The following CYREN variants were observed in gnomAD, a reference collection of about 807,000 sequenced individuals.
The protein encoded by CYREN is cell cycle regulator of non-homologous end joining.
CYREN carries 7 observed loss-of-function variants against 9.7 expected under a neutral mutation model. The ratio of observed to expected loss-of-function variants is 0.72; its 90% confidence interval spans 0.41 to 1.36. The LOEUF (loss-of-function observed/expected upper bound fraction) is 1.36. Among genes scored for constraint, CYREN ranks in the 40% most tolerant of loss-of-function variants. The pLI, the probability that CYREN is intolerant of heterozygous loss-of-function variation, is 0.01. For missense variants in CYREN, 215 were observed against 198.1 expected, an observed-to-expected ratio of 1.09 and a Z score of -0.51; for synonymous variants, 76 against 77.9, an observed-to-expected ratio of 0.98 and a Z score of 0.13.
intron 2 of CYREN, among the ~76,000 whole-genome samples, chr7:135,138,604 A>G (rs940692574): frequency 8.5e-5 from 13 of 152,084 alleles, no homozygotes; most frequent in African/African-American, 2.9e-4. Context: ...AGGAGGTAGA[A>G]AACAAGTGGA....
At chr7:135,101,742 G>A (rs1823859208) in intron 2 of CYREN, among the ~76,000 whole-genome samples, 1 of 152,118 alleles carries the variant, frequency 6.6e-6, no homozygotes, top group South Asian at 2.1e-4. Flanking sequence ...CCCAACAGAA[G>A]GGCAGAAAAG....
chr7:135,122,042 C>G (rs1827211253), intron 2 of CYREN, among the ~76,000 whole-genome samples: 1 of 152,206 alleles, frequency 6.6e-6, no homozygotes, highest in Non-Finnish European at 1.5e-5. Flanking sequence ...TGACCAGCAC[C>G]ACAGCTGTGT....
At chr7:135,160,781 A>C (rs766995874) in intron 2 of CYREN, among the ~76,000 whole-genome samples, 2 of 152,242 alleles carry the variant, frequency 1.3e-5, no homozygotes, top group Non-Finnish European at 2.9e-5. Context: ...TATCAAAATA[A>C]CAAAACTGAA....
chr7:135,118,748 A>C (rs368386415), intron 2 of CYREN, among the ~76,000 whole-genome samples: 3 of 152,188 alleles, frequency 2.0e-5, no homozygotes, highest in African/African-American at 7.2e-5. Context: ...CATAATTAAA[A>C]TGCTTCAAAA....
At chr7:135,110,588 G>A (rs1187338298) in intron 2 of CYREN, among the ~76,000 whole-genome samples, 1 of 152,160 alleles carries the variant, frequency 6.6e-6, no homozygotes, top group Non-Finnish European at 1.5e-5. Flanking sequence ...TTGGGCAGGG[G>A]AGGCTCTCCT....
At chr7:135,141,895 C>T (rs941924997) in intron 2 of CYREN, among the ~76,000 whole-genome samples, 1 of 151,958 alleles carries the variant, frequency 6.6e-6, no homozygotes, top group Admixed American at 6.6e-5. Flanking sequence ...TTTTATTGTG[C>T]TTTATTCTGA....
At chr7:135,160,653 G>C (rs1400621533) in intron 2 of CYREN, among the ~76,000 whole-genome samples, 12 of 151,860 alleles carry the variant, frequency 7.9e-5, no homozygotes, top group Non-Finnish European at 1.3e-4. Context: ...CCCTCAGGCA[G>C]CTCTGCTGTC....
chr7:135,157,822 G>A (rs141586266), intron 2 of CYREN, among the ~76,000 whole-genome samples: 1 of 152,198 alleles, frequency 6.6e-6, no homozygotes, highest in Non-Finnish European at 1.5e-5. Flanking sequence ...TCCTACCAGG[G>A]TGGCAGCTGC....
intron 2 of CYREN, among the ~76,000 whole-genome samples, chr7:135,118,897 C>T (rs1360317689): frequency 6.6e-6 from 1 of 151,796 alleles, no homozygotes; most frequent in Non-Finnish European, 1.5e-5. Flanking sequence ...CTGAGCAGAA[C>T]AGTATAATTG....
At chr7:135,137,691 A>T (rs1829378649) in intron 2 of CYREN, among the ~76,000 whole-genome samples, 1 of 152,126 alleles carries the variant, frequency 6.6e-6, no homozygotes, top group African/African-American at 2.4e-5. Context: ...GAAACATTTA[A>T]AGGGTTTAAA....
intron 2 of CYREN, among the ~76,000 whole-genome samples, chr7:135,110,840 C>T (rs1825536112): frequency 6.6e-6 from 1 of 152,212 alleles, no homozygotes. Flanking sequence ...TATCCTTTGA[C>T]TAAGCCAATG....
chr7:135,095,447 C>T (rs1027673404), intron 2 of CYREN, among the ~76,000 whole-genome samples: 1 of 152,120 alleles, frequency 6.6e-6, no homozygotes, highest in African/African-American at 2.4e-5. Context: ...GAATTCCAAG[C>T]CTTTGATACT....
At chr7:135,132,583 T>C (rs1828923383) in intron 2 of CYREN, among the ~76,000 whole-genome samples, 3 of 152,166 alleles carry the variant, frequency 2.0e-5, no homozygotes, top group Non-Finnish European at 4.4e-5. Flanking sequence ...TCACCTTTAA[T>C]TGTAATAATC....
At chr7:135,168,091 C>A in intron 2 of CYREN, 1 of 472,634 alleles carries the variant, frequency 2.1e-6, no homozygotes, top group Non-Finnish European at 3.8e-6. Flanking sequence ...CTGAAACACA[C>A]ACATGGATGC....
chr7:135,130,125 T>G (rs1562906828), intron 2 of CYREN, among the ~76,000 whole-genome samples: 1 of 152,092 alleles, frequency 6.6e-6, no homozygotes. Flanking sequence ...GGTAGAAGCC[T>G]TATGAAAATT....
intron 2 of CYREN, among the ~76,000 whole-genome samples, chr7:135,121,140 G>A (rs1358247681): frequency 6.6e-6 from 1 of 152,186 alleles, no homozygotes; most frequent in Non-Finnish European, 1.5e-5. Context: ...GGGAGGTGGA[G>A]GTTGCGGTGA....
In CYREN at chr7:135,166,497, A is replaced by G. The variant is rs905457433; in HGVS notation, c.*114T>C. 3.4e-6 allele frequency: 5 copies of G among 1,480,742 alleles called. No homozygotes were observed. The highest frequency in any genetic ancestry group is 1.4e-5 in the African/African-American group (1 of 71,418). 91.7% of individuals were successfully genotyped at this position (1,480,742 alleles called of 1,614,324 possible). A position where few individuals can be genotyped will look rare whatever the true frequency, so the allele number is the denominator to read the frequency against. Reference sequence around the variant, plus strand: ...AATCTGCCAGGCCCAAGAAGGCACAAAGGTAGGAGCACAGAGAGCCCCATT... The same window carrying G: ...AATCTGCCAGGCCCAAGAAGGCACAGAGGTAGGAGCACAGAGAGCCCCATT... On this transcript the variant is annotated 3_prime_UTR_variant, in exon 4 of 4. Coordinates refer to ENST00000393114, the MANE Select transcript of CYREN (RefSeq NM_024033.4).
chr7:135,112,440 A>C, intron 2 of CYREN, among the ~76,000 whole-genome samples: 1 of 152,194 alleles, frequency 6.6e-6, no homozygotes, highest in East Asian at 1.9e-4. Flanking sequence ...CCATGTCTTC[A>C]TACCTACCTG....
intron 2 of CYREN, 80 bp from the exon 3 acceptor site, chr7:135,167,887 C>G (rs1489965699): frequency 6.3e-7 from 1 of 1,598,704 alleles, no homozygotes; most frequent in Non-Finnish European, 8.5e-7. Context: ...GAAGCAGGGC[C>G]TCTTCCCCCT....
Sources: gnomAD v4.1 joint callset for allele counts (sites outside exome capture counted in the v4.1 genomes callset) on GRCh38, gnomAD v4.1.1 for gene constraint, MANE v1.5 for transcripts, NCBI Gene and HGNC (gene_info 2026-07-23, HGNC 2026-07-21) for gene names.